TMEM87B: variants seen among roughly 807,000 people sequenced by gnomAD.
TMEM87B encodes transmembrane protein 87B.
A neutral mutation model predicts 80.3 loss-of-function variants in TMEM87B; 83 were observed. That is an observed-to-expected ratio of 1.03 (90% CI 0.87 to 1.24). TMEM87B has a LOEUF of 1.24. Ranked by LOEUF, TMEM87B falls within the 50% of genes most tolerant of loss-of-function variation. The pLI is 0.00. For missense variants in TMEM87B, 625 were observed against 674.4 expected, an observed-to-expected ratio of 0.93 and a Z score of 0.81; for synonymous variants, 219 against 230.5, an observed-to-expected ratio of 0.95 and a Z score of 0.45.
In TMEM87B at chr2:112,106,041, AT is replaced by A; in HGVS notation, c.1491del (p.Asn497LysfsTer16). 6.4e-7 allele frequency: 1 copy of A among 1,573,600 alleles called. No individual in the cohort carries two copies. The highest frequency in any genetic ancestry group is 8.6e-7 in the Non-Finnish European group (1 of 1,164,592). On this transcript the variant is annotated frameshift_variant, in exon 16 of 19. Transcript: ENST00000283206. LOFTEE classifies it high-confidence loss of function. ...TTAAGAGCCTCAAAATCAGTTTCCA[AT>A]GGAACAGCTAAGCCTGCCACTTCTG... ...IKLRASKSVS[N>X]GTAKPATSEN...
chr2:112,072,189 T>C (rs1014793081), intron 4 of TMEM87B, among the ~76,000 whole-genome samples: 1 of 152,154 alleles, frequency 6.6e-6, no homozygotes, highest in Non-Finnish European at 1.5e-5. Flanking sequence ...TTGCTAGTAT[T>C]TTGTTGAGGT....
Position 112,055,339 on chromosome 2 carries a change from A to C in TMEM87B, c.-253A>C, listed in dbSNP as rs1193013512. On this transcript the variant is annotated 5_prime_UTR_variant, in exon 1 of 19. Transcript: ENST00000283206. ...CCGCCAACTCCACATCCTGGCTCCT[A>C]TCTCTGCCTTCCAGGCATCTCCCAG... 1 of 498,960 alleles carries C rather than the reference A, an allele frequency of 2.0e-6. No individual in the cohort carries two copies. The allele number at this position is 498,960 out of a possible 1,614,324, so 30.9% of individuals were successfully genotyped here.
At chr2:112,107,748 G>A (rs996448468) in intron 16 of TMEM87B, 40 bp from the exon 17 acceptor site, 3 of 1,252,456 alleles carry the variant, frequency 2.4e-6, no homozygotes, top group Non-Finnish European at 3.4e-6. Flanking sequence ...TCTGCTGTCA[G>A]GTGATATTAA....
chr2:112,095,486 T>A (rs1329587957), intron 11 of TMEM87B: 3 of 967,728 alleles, frequency 3.1e-6, no homozygotes, highest in African/African-American at 3.5e-5. Flanking sequence ...AACATTTTTT[T>A]AAAATTATTA....
At chr2:112,092,126 G>A (rs769288186) in intron 11 of TMEM87B, among the ~76,000 whole-genome samples, 1 of 152,302 alleles carries the variant, frequency 6.6e-6, no homozygotes, top group Middle Eastern at 3.4e-3. Context: ...TTAGAGAGGT[G>A]CTGTGCCAAC....
At chr2:112,057,056 G>A (rs369368775) in intron 1 of TMEM87B, among the ~76,000 whole-genome samples, 2 of 152,202 alleles carry the variant, frequency 1.3e-5, no homozygotes, top group East Asian at 1.9e-4. Flanking sequence ...TTTGCCAAGT[G>A]TACTTCTTCC....
In TMEM87B at chr2:112,118,819, T is replaced by A. The variant is rs564206847; in HGVS notation, c.*2676T>A. The A allele has an allele frequency of 5.3e-5, 8 of 152,102 alleles. No homozygotes were observed. Among genetic ancestry groups the A allele is most frequent in the South Asian group, 4.1e-4 (2 of 4,826 alleles). The allele number at this position is 152,102 out of a possible 1,614,324, so 9.4% of individuals were successfully genotyped here. On this transcript the variant is annotated 3_prime_UTR_variant, in exon 19 of 19. Coordinates refer to ENST00000283206, the MANE Select transcript of TMEM87B (RefSeq NM_032824.3). ...CATTTTGAGTTATGTATCCTTTTTT[T>A]AAAAAAAAGTTCGAGTCTGTTGCAC... is the stretch of plus-strand genomic sequence containing the variant.
At chr2:112,083,759 ATTC>A (rs1417424139) in intron 8 of TMEM87B, among the ~76,000 whole-genome samples, 1 of 152,118 alleles carries the variant, frequency 6.6e-6, no homozygotes, top group Admixed American at 6.6e-5. Flanking sequence ...TTGCTGTTTT[ATTC>A]TTCTTGTGAA....
intron 1 of TMEM87B, among the ~76,000 whole-genome samples, chr2:112,058,424 T>C (rs1311435576): frequency 6.6e-6 from 1 of 152,206 alleles, no homozygotes; most frequent in East Asian, 1.9e-4. Context: ...GCATGCCCAT[T>C]CTGAAGAGGG....
intron 13 of TMEM87B, 112 bp from the exon 14 acceptor site, chr2:112,098,483 C>A: frequency 1.1e-6 from 1 of 918,972 alleles, no homozygotes; most frequent in South Asian, 1.6e-5. Flanking sequence ...ATTTGGAAGA[C>A]TTACTGGTTG....
chr2:112,056,785 C>G (rs1271962902), intron 1 of TMEM87B, among the ~76,000 whole-genome samples: 1 of 152,178 alleles, frequency 6.6e-6, no homozygotes, highest in Non-Finnish European at 1.5e-5. Context: ...CTAGTGCAGC[C>G]ATTTCCTCCA....
In TMEM87B at chr2:112,119,157, C is replaced by T. The variant is rs1680096803; in HGVS notation, c.*3014C>T. 1 of 152,028 alleles carries T rather than the reference C, an allele frequency of 6.6e-6. No homozygotes were observed. Among genetic ancestry groups the T allele is most frequent in the Non-Finnish European group, 1.5e-5 (1 of 67,992 alleles). The allele number at this position is 152,028 out of a possible 1,614,324, so 9.4% of individuals were successfully genotyped here. A position where few individuals can be genotyped will look rare whatever the true frequency, so the allele number is the denominator to read the frequency against. Reference sequence around the variant, plus strand: ...GGGAGAAATTTTAGGCATTTAAGAACTTGTATTTTTCTATTTTAAAAAGTT... The same window carrying T: ...GGGAGAAATTTTAGGCATTTAAGAATTTGTATTTTTCTATTTTAAAAAGTT... On this transcript the variant is annotated 3_prime_UTR_variant, in exon 19 of 19. Coordinates refer to ENST00000283206, the MANE Select transcript of TMEM87B (RefSeq NM_032824.3).
At chr2:112,110,819 T>G (rs1192738163) in intron 17 of TMEM87B, among the ~76,000 whole-genome samples, 3 of 152,184 alleles carry the variant, frequency 2.0e-5, no homozygotes, top group Admixed American at 2.0e-4. Flanking sequence ...TATCATCCTT[T>G]CCTGAAAACA....
At position 112,055,740 on chromosome 2, in the gene TMEM87B, T is replaced by G; in HGVS notation, c.149T>G (p.Leu50Ter). The G allele has an allele frequency of 6.7e-7, 1 of 1,500,032 alleles. No individual in the cohort carries two copies. 92.9% of individuals were successfully genotyped at this position (1,500,032 alleles called of 1,614,324 possible). The change falls in exon 1 of 19, where the codon TTA becomes TGA. Residue 50 changes from leucine (L) to a stop codon, truncating the protein, a stop_gained. Transcript: ENST00000283206. LOFTEE classifies it high-confidence loss of function. ...VRAVPELGLWLETVNDKSGPL... is the reference protein window; with the variant it reads ...VRAVPELGLW The stretch of plus-strand genomic sequence containing the variant: ...GCGGTCCCTGAGCTCGGGCTCTGGT[T>G]AGAGACAGTCAACGACGTAAGTGGA...
chr2:112,077,040 A>C (rs76553726), intron 5 of TMEM87B, 152 bp from the exon 6 acceptor site: 1 of 184,738 alleles, frequency 5.4e-6, no homozygotes, highest in Non-Finnish European at 9.6e-6. Flanking sequence ...CCCCATCTCA[A>C]AAAAAAAAAA....
At chr2:112,067,213 C>CTT in intron 4 of TMEM87B, 146 bp downstream of exon 4, 1 of 1,086,632 alleles carries the variant, frequency 9.2e-7, no homozygotes, top group Non-Finnish European at 1.3e-6. Context: ...CCACTGAATA[C>CTT]AAGTATCAAC....
chr2:112,099,137 A>C (rs1346161696), intron 14 of TMEM87B, among the ~76,000 whole-genome samples: 6 of 152,200 alleles, frequency 3.9e-5, no homozygotes, highest in African/African-American at 1.4e-4. Flanking sequence ...AAGTTCAGAA[A>C]GTTGTACTTG....
chr2:112,057,270 GTTTC>G (rs1297709353), intron 1 of TMEM87B, among the ~76,000 whole-genome samples: 4 of 152,254 alleles, frequency 2.6e-5, no homozygotes, highest in Non-Finnish European at 5.9e-5. Context: ...AGGAAATTTT[GTTTC>G]TTTGTTTTTG....
At chr2:112,074,856 T>C in intron 4 of TMEM87B, 56 bp from the exon 5 acceptor site, 1 of 1,466,756 alleles carries the variant, frequency 6.8e-7, no homozygotes, top group Non-Finnish European at 9.0e-7. Flanking sequence ...ATTAAAACAA[T>C]TTTTCTCCGT....
Sources: allele counts gnomAD v4.1 joint callset (sites outside exome capture counted in the v4.1 genomes callset), GRCh38; gene constraint gnomAD v4.1.1; transcripts MANE v1.5; gene names NCBI Gene and HGNC (gene_info 2026-07-23, HGNC 2026-07-21).